The following UTRN variants were observed in gnomAD, a reference collection of about 807,000 sequenced individuals.
UTRN encodes the protein utrophin, also known as dystrophin-related protein 1.
Under a neutral mutation model 463.9 loss-of-function variants are expected in UTRN, and 283 were observed. The observed-to-expected ratio is 0.61, with a 90% CI of 0.55 to 0.67. The LOEUF is 0.67. UTRN is among the 30% of genes least tolerant of loss of function. The probability of loss-of-function intolerance (pLI) is 0.00; values close to 1 mark genes in which losing one functional copy is unlikely to be tolerated. For synonymous variants in UTRN, 1,442 were observed against 1,431.5 expected, an observed-to-expected ratio of 1.01 and a Z score of -0.17; for missense variants, 3,922 against 4,084.3, an observed-to-expected ratio of 0.96 and a Z score of 1.08.
chr6:144,554,745 A>G lies in UTRN; in HGVS notation c.6986A>G (p.Gln2329Arg). 1 of 1,614,074 alleles carries G rather than the reference A, an allele frequency of 6.2e-7. No homozygotes were observed. Residue 2329 changes from glutamine to arginine, a missense_variant, in exon 49 of 75, where the codon CAG becomes CGG. Physicochemically the swap from Gln to Arg is conservative, Grantham distance 43. Coordinates refer to ENST00000367545, the MANE Select transcript of UTRN (RefSeq NM_007124.3). ...GTQHGVELRQ[Q>R]QLEDMIIDSL... ...CAGCATGGCGTTGAGCTAAGACAGC[A>G]GCAGCTTGAGGACATGATTATTGAC...
At chr6:144,342,468 A>G (rs1777216846) in intron 2 of UTRN, among the ~76,000 whole-genome samples, 1 of 152,216 alleles carries the variant, frequency 6.6e-6, no homozygotes, top group Non-Finnish European at 1.5e-5. Context: ...CTGAAAGATA[A>G]AAACAACCCA....
At chr6:144,790,139 T>C (rs1776638383) in intron 62 of UTRN, among the ~76,000 whole-genome samples, 1 of 152,226 alleles carries the variant, frequency 6.6e-6, no homozygotes, top group Non-Finnish European at 1.5e-5. Flanking sequence ...TTAAGGTACC[T>C]AGAAATAGCA....
chr6:144,609,640 T>G (rs1243225855), intron 51 of UTRN, among the ~76,000 whole-genome samples: 1 of 152,152 alleles, frequency 6.6e-6, no homozygotes, highest in Non-Finnish European at 1.5e-5. Flanking sequence ...TCTTCTTAAG[T>G]GAACATAAAA....
chr6:144,521,105 G>C (rs1230199840), intron 39 of UTRN, among the ~76,000 whole-genome samples: 1 of 152,120 alleles, frequency 6.6e-6, no homozygotes, highest in Non-Finnish European at 1.5e-5. Context: ...GGCCAACATG[G>C]TGAAACCCCA....
intron 2 of UTRN, among the ~76,000 whole-genome samples, chr6:144,368,974 C>T (rs1409426875): frequency 6.6e-6 from 1 of 152,086 alleles, no homozygotes; most frequent in Non-Finnish European, 1.5e-5. Context: ...TTTGACCTTT[C>T]ATAAAATGAG....
In UTRN at chr6:144,616,968, G is replaced by A. The variant is rs970585349; in HGVS notation, c.7479+39680G>A. On this transcript the variant is annotated intron_variant, in intron 51 of 74. Transcript: ENST00000367545. ...TTGACTATCCTTTGCCTTTGAATCC[G>A]TGAGCAGAAATCTATTATTGAATAA... Among the ~76,000 whole-genome samples, 8 of 152,098 alleles carry A rather than the reference G, an allele frequency of 5.3e-5. No homozygotes were observed. In the South Asian group the frequency reaches 8.3e-4, roughly 16 times the overall value.
intron 52 of UTRN, among the ~76,000 whole-genome samples, chr6:144,683,251 G>T (rs988650444): frequency 6.6e-6 from 1 of 152,160 alleles, no homozygotes; most frequent in African/African-American, 2.4e-5. Flanking sequence ...GAGTAGAAAA[G>T]AACTCAGTAT....
chr6:144,833,426 C>T (rs1169091485), intron 69 of UTRN, among the ~76,000 whole-genome samples: 2 of 152,128 alleles, frequency 1.3e-5, no homozygotes, highest in Non-Finnish European at 1.5e-5. Flanking sequence ...TGGCAGATTG[C>T]TTGTGATACT....
chr6:144,556,063 G>A (rs141821726), intron 49 of UTRN, among the ~76,000 whole-genome samples: 3 of 152,260 alleles, frequency 2.0e-5, no homozygotes, highest in African/African-American at 4.8e-5. Context: ...TTTTAAAAGT[G>A]CTTTTAAGAT....
intron 19 of UTRN, among the ~76,000 whole-genome samples, chr6:144,456,763 T>A (rs1788873903): frequency 6.6e-6 from 1 of 151,982 alleles, no homozygotes; most frequent in Admixed American, 6.6e-5. Context: ...TTAGCTTATC[T>A]TGTTCCTAGA....
chr6:144,322,479 A>G (rs527416859), intron 2 of UTRN, among the ~76,000 whole-genome samples: 97 of 152,278 alleles, frequency 6.4e-4, no homozygotes, highest in Non-Finnish European at 1.1e-3. Flanking sequence ...TGGAGCAGGA[A>G]TTTATTTTGA....
In UTRN at chr6:144,298,800, G is replaced by C. The variant is rs375837170; in HGVS notation, c.79+6893G>C. 3.9e-5 allele frequency among the ~76,000 whole-genome samples: 6 copies of C among 152,284 alleles called. 1 individual carries two copies. The highest frequency in any genetic ancestry group is 1.4e-4 in the African/African-American group (6 of 41,552). On this transcript the variant is annotated intron_variant, in intron 2 of 74. Coordinates refer to ENST00000367545, the MANE Select transcript of UTRN (RefSeq NM_007124.3). ...ATATAAGGGCATTTCTGATGTAGCA[G>C]AGGAATCCAATAAAAAATATGACTT... is the stretch of plus-strand genomic sequence containing the variant.
At chr6:144,712,694 C>T (rs1272595684) in intron 53 of UTRN, among the ~76,000 whole-genome samples, 1 of 152,152 alleles carries the variant, frequency 6.6e-6, no homozygotes, top group Non-Finnish European at 1.5e-5. Flanking sequence ...GGCTTGAAAA[C>T]AAGTACTACA....
chr6:144,417,283 A>C (rs905118861), intron 3 of UTRN, among the ~76,000 whole-genome samples: 6 of 152,130 alleles, frequency 3.9e-5, no homozygotes. Context: ...TATCTGTCCT[A>C]GTCCTGTGTC....
intron 41 of UTRN, among the ~76,000 whole-genome samples, chr6:144,525,807 T>C (rs559692456): frequency 5.3e-5 from 8 of 152,274 alleles, no homozygotes; most frequent in Middle Eastern, 3.4e-3. Context: ...GACTCTTTGA[T>C]GTAGGCATTT....
chr6:144,394,183 T>C (rs1268235393), intron 2 of UTRN, among the ~76,000 whole-genome samples: 2 of 152,222 alleles, frequency 1.3e-5, no homozygotes, highest in Admixed American at 1.3e-4. Context: ...TTGATGCTTT[T>C]CAATTTATTA....
At chr6:144,345,774 G>A (rs1215547288) in intron 2 of UTRN, among the ~76,000 whole-genome samples, 1 of 152,192 alleles carries the variant, frequency 6.6e-6, no homozygotes, top group Non-Finnish European at 1.5e-5. Context: ...AAGAGTCTCT[G>A]TGGTCAGCTA....
intron 51 of UTRN, among the ~76,000 whole-genome samples, chr6:144,612,989 G>C (rs945345798): frequency 2.0e-5 from 3 of 152,050 alleles, no homozygotes; most frequent in African/African-American, 7.2e-5. Flanking sequence ...TAAAGAAAAT[G>C]TGGTATATCT....
chr6:144,584,132 G>A (rs1802238349), intron 51 of UTRN, among the ~76,000 whole-genome samples: 1 of 152,094 alleles, frequency 6.6e-6, no homozygotes, highest in Admixed American at 6.5e-5. Context: ...ATATATTATA[G>A]TTACACTTGA....
Sources: gnomAD v4.1 joint callset for allele counts (sites outside exome capture counted in the v4.1 genomes callset) on GRCh38, gnomAD v4.1.1 for gene constraint, MANE v1.5 for transcripts, NCBI Gene and HGNC (gene_info 2026-07-23, HGNC 2026-07-21) for gene names.